The following CLASP2 variants were observed in gnomAD, a reference collection of about 807,000 sequenced individuals.
CLASP2 encodes CLIP-associating protein 2.
A neutral mutation model predicts 194.4 loss-of-function variants in CLASP2; 47 were observed. The ratio of observed to expected loss-of-function variants is 0.24; its 90% CI spans 0.19 to 0.31. The LOEUF (loss-of-function observed/expected upper bound fraction) is 0.31. Ranked by LOEUF, CLASP2 falls within the 10% of genes least tolerant of loss-of-function variation. The pLI, the probability that CLASP2 is intolerant of heterozygous loss-of-function variation, is 1.00. For missense variants in CLASP2, 1,445 were observed against 1,823.6 expected (o/e 0.79, Z 3.78); for synonymous variants, 619 against 633.5 (o/e 0.98, Z 0.34).
At chr3:33,673,862 G>A (rs2087921758) in intron 6 of CLASP2, among the ~76,000 whole-genome samples, 1 of 152,144 alleles carries the variant, frequency 6.6e-6, no homozygotes, top group African/African-American at 2.4e-5. Flanking sequence ...TTACATAATG[G>A]TAAAGGGATC....
At chr3:33,569,591 C>T (rs1455206683) in intron 26 of CLASP2, among the ~76,000 whole-genome samples, 1 of 151,982 alleles carries the variant, frequency 6.6e-6, no homozygotes, top group Non-Finnish European at 1.5e-5. Context: ...CAATATCTAT[C>T]TAGAATGGTA....
chr3:33,619,581 GA>G (rs1189474620), intron 12 of CLASP2, 21 bp downstream of exon 12: 15 of 1,537,886 alleles, frequency 9.8e-6, no homozygotes, highest in African/African-American at 2.8e-5. Context: ...GGCAGCAGTA[GA>G]AAACGAGAGA....
intron 34 of CLASP2, among the ~76,000 whole-genome samples, chr3:33,532,041 A>C (rs1332178877): frequency 6.6e-6 from 1 of 152,212 alleles, no homozygotes; most frequent in East Asian, 1.9e-4. Context: ...TCAAAATTGA[A>C]AACAGGGTAT....
intron 31 of CLASP2, 91 bp from the exon 32 acceptor site, chr3:33,543,630 C>A: frequency 1.3e-6 from 1 of 768,012 alleles, no homozygotes; most frequent in Non-Finnish European, 2.3e-6. Context: ...TTAGGTTGAA[C>A]CATATTAAAG....
intron 17 of CLASP2, among the ~76,000 whole-genome samples, chr3:33,603,753 G>A (rs548109344): frequency 1.3e-5 from 2 of 152,282 alleles, no homozygotes; most frequent in African/African-American, 4.8e-5. Context: ...CTCCTGAGTA[G>A]CTGGGATTAT....
In CLASP2 at chr3:33,577,423, C is replaced by T. The variant is rs184373695; in HGVS notation, c.2348-1148G>A. 6.2e-4 allele frequency among the ~76,000 whole-genome samples: 95 copies of T among 152,256 alleles called. 1 individual carries two copies. Among genetic ancestry groups the T allele is most frequent in the African/African-American group, 2.2e-3 (91 of 41,536 alleles). On this transcript the variant is annotated intron_variant, in intron 23 of 38. Transcript: ENST00000682230. ...ATAGGGCAATGGAACATTAGCATTG[C>T]ACCATCATTCCTGACACAAAAACAC...
rs904504673 is a variant in CLASP2, at chr3:33,643,407, A to G, written c.862+1350T>C. On this transcript the variant is annotated intron_variant, in intron 8 of 38. Coordinates refer to ENST00000682230, the MANE Select transcript of CLASP2 (RefSeq NM_001365631.1). Reference sequence around the variant, plus strand: ...TAAAAGGAAGAAACCAAAAAATGTCATATACTTTTTACTAGCGGTAAATAG... The same window carrying G: ...TAAAAGGAAGAAACCAAAAAATGTCGTATACTTTTTACTAGCGGTAAATAG... 2.0e-5 allele frequency among the ~76,000 whole-genome samples: 3 copies of G among 152,050 alleles called. No homozygotes were observed. In the East Asian group the frequency reaches 5.8e-4, roughly 29 times the overall value.
chr3:33,536,482 C>A (rs984475299), intron 33 of CLASP2, among the ~76,000 whole-genome samples: 1 of 152,060 alleles, frequency 6.6e-6, no homozygotes, highest in East Asian at 1.9e-4. Context: ...GATCCTGAAG[C>A]AGGAACGTGC....
At chr3:33,612,174 CA>C (rs2075308914) in intron 12 of CLASP2, 103 bp from the exon 13 acceptor site, 2 of 678,058 alleles carry the variant, frequency 2.9e-6, no homozygotes, top group Non-Finnish European at 5.0e-6. Context: ...TACAAGAGGA[CA>C]AAAAGACCAG....
rs748690324 is a variant in CLASP2, at chr3:33,622,291, G to T, written c.1036-11C>A. ...TCGAATTTTCTTCAGCTGAAATAAA[G>T]AATTTTCATTATTGACAAAAAAGGT... On this transcript the variant is annotated splice_polypyrimidine_tract_variant and intron_variant, in intron 10 of 38. Coordinates refer to ENST00000682230, the MANE Select transcript of CLASP2 (RefSeq NM_001365631.1). 4.9e-6 allele frequency: 7 copies of T among 1,437,152 alleles called. No homozygotes were observed. In the East Asian group the frequency reaches 1.3e-4, roughly 26 times the overall value. The allele number at this position is 1,437,152 out of a possible 1,614,324, so 89.0% of individuals were successfully genotyped here. A position where few individuals can be genotyped will look rare whatever the true frequency, so the allele number is the denominator to read the frequency against.
At chr3:33,693,372 T>C (rs2091549900) in intron 2 of CLASP2, among the ~76,000 whole-genome samples, 2 of 152,274 alleles carry the variant, frequency 1.3e-5, no homozygotes, top group East Asian at 3.9e-4. Context: ...TCAAATCAAG[T>C]TATATATATC....
intron 18 of CLASP2, among the ~76,000 whole-genome samples, chr3:33,598,386 C>T (rs904087930): frequency 6.6e-6 from 1 of 152,068 alleles, no homozygotes; most frequent in African/African-American, 2.4e-5. Flanking sequence ...ATATCTACTA[C>T]CTCTTCCAAT....
At chr3:33,693,101 T>C (rs944446079) in intron 2 of CLASP2, among the ~76,000 whole-genome samples, 21 of 152,090 alleles carry the variant, frequency 1.4e-4, no homozygotes, top group Admixed American at 2.6e-4. Flanking sequence ...AATTGCATAT[T>C]TTTTGTTTGA....
At chr3:33,675,543 C>G (rs1431346397) in intron 6 of CLASP2, among the ~76,000 whole-genome samples, 1 of 148,998 alleles carries the variant, frequency 6.7e-6, no homozygotes, top group Non-Finnish European at 1.5e-5. Context: ...GGGATGCCCT[C>G]TCTCACCACT....
intron 25 of CLASP2, 48 bp from the exon 26 acceptor site, chr3:33,570,838 G>T: frequency 4.5e-6 from 6 of 1,330,696 alleles, no homozygotes; most frequent in African/African-American, 1.5e-5. Context: ...GTAGCAAGAA[G>T]TCATGTAAAA....
At chr3:33,648,486 A>G (rs933636125) in intron 7 of CLASP2, among the ~76,000 whole-genome samples, 9 of 152,192 alleles carry the variant, frequency 5.9e-5, no homozygotes, top group African/African-American at 2.2e-4. Context: ...CTTCATATAT[A>G]TAAAACAAAA....
At chr3:33,684,546 T>C (rs1034247226) in intron 5 of CLASP2, 90 bp from the exon 6 acceptor site, 26 of 775,382 alleles carry the variant, frequency 3.4e-5, no homozygotes, top group Non-Finnish European at 5.2e-5. Context: ...ACAGACCAAC[T>C]TGAAGCTCTA....
At chr3:33,659,367 A>G in intron 7 of CLASP2, 1 of 1,065,860 alleles carries the variant, frequency 9.4e-7, no homozygotes, top group Non-Finnish European at 1.1e-6. Flanking sequence ...TTTTAATGCA[A>G]TCATCAAAAC....
chr3:33,701,128 A>G (rs2092344922), intron 1 of CLASP2, among the ~76,000 whole-genome samples: 1 of 152,248 alleles, frequency 6.6e-6, no homozygotes, highest in Non-Finnish European at 1.5e-5. Context: ...GAAACCCCAC[A>G]AATTGTTCTT....
Sources: allele counts gnomAD v4.1 joint callset (sites outside exome capture counted in the v4.1 genomes callset), GRCh38; gene constraint gnomAD v4.1.1; transcripts MANE v1.5; gene names NCBI Gene and HGNC (gene_info 2026-07-23, HGNC 2026-07-21).